The following CPAMD8 variants were observed in gnomAD, a reference collection of about 807,000 sequenced individuals.
The protein encoded by CPAMD8 is C3 and PZP like alpha-2-macroglobulin domain containing 8.
A neutral mutation model predicts 224.7 loss-of-function variants in CPAMD8; 146 were observed. The observed-to-expected ratio is 0.65, with a 90% CI of 0.57 to 0.75. The LOEUF (loss-of-function observed/expected upper bound fraction) is 0.75, where lower values mean the gene tolerates loss of function less well. Ranked by LOEUF, CPAMD8 falls within the 30% of genes least tolerant of loss-of-function variation. CPAMD8 has a pLI of 0.00. For missense variants in CPAMD8, 2,301 were observed against 2,537.5 expected, an observed-to-expected ratio of 0.91 and a Z score of 2.00; for synonymous variants, 966 against 1,044.6, an observed-to-expected ratio of 0.92 and a Z score of 1.45.
rs554802632 is a variant in CPAMD8 at position 17,014,154 on chromosome 19, C to T, written c.268-2397G>A. ...ACAGCCTCAAACTCCTGGGCTCATG[C>T]GATCCTCCTGCCTCAGCCTACTGAG... On this transcript the variant is annotated intron_variant, in intron 3 of 41. Transcript: ENST00000443236. Among the ~76,000 whole-genome samples the T allele has an allele frequency of 5.3e-5, 8 of 151,888 alleles. No homozygotes were observed. In the South Asian group the frequency reaches 8.3e-4, roughly 16 times the overall value.
In CPAMD8 at chr19:16,963,513, T is replaced by C. The variant is rs575463409; in HGVS notation, c.2214-5598A>G. ...GCTAACTATCCTAAATGTATATGCA[T>C]GCAATACAGGAGCACCCAGATTCAT... On this transcript the variant is annotated intron_variant, in intron 18 of 41. Coordinates refer to ENST00000443236, the MANE Select transcript of CPAMD8 (RefSeq NM_015692.5). Among the ~76,000 whole-genome samples, 5 of 152,244 alleles carry C rather than the reference T, an allele frequency of 3.3e-5. No homozygotes were observed. In the South Asian group the frequency reaches 6.2e-4, roughly 19 times the overall value.
intron 23 of CPAMD8, among the ~76,000 whole-genome samples, chr19:16,934,084 A>C (rs1459459773): frequency 6.6e-5 from 10 of 152,226 alleles, no homozygotes; most frequent in Non-Finnish European, 1.0e-4. Flanking sequence ...AAAAGAATAC[A>C]TACGACATGA....
intron 35 of CPAMD8, 86 bp from the exon 36 acceptor site, chr19:16,901,383 C>T (rs1227731950): frequency 2.2e-6 from 2 of 906,610 alleles, no homozygotes; most frequent in South Asian, 1.4e-5. Context: ...GGAGCCCACA[C>T]AGCTGATGTC....
chr19:16,975,091 C>T lies in CPAMD8; in HGVS notation c.2070+6G>A, dbSNP rs1156864825. On this transcript the variant is annotated splice_donor_region_variant and intron_variant, in intron 17 of 41. Transcript: ENST00000443236. ...GGCAGAGGGATCTGAGACCACCTCTCCTTACGGTGAAGGCAAACCCAGAGT... is the reference window on the plus strand; with the variant it reads ...GGCAGAGGGATCTGAGACCACCTCTTCTTACGGTGAAGGCAAACCCAGAGT... The T allele has an allele frequency of 1.2e-6, 2 of 1,611,218 alleles. No homozygotes were observed. The highest frequency in any genetic ancestry group is 2.0e-4 in the Middle Eastern group (1 of 4,994).
chr19:16,960,567 CTT>C (rs78412211), intron 18 of CPAMD8, among the ~76,000 whole-genome samples: 1 of 147,336 alleles, frequency 6.8e-6, no homozygotes. Context: ...TTCTTCTATT[CTT>C]TTTTTTTTTA....
intron 18 of CPAMD8, among the ~76,000 whole-genome samples, chr19:16,968,076 G>C (rs58946961): frequency 0.045 from 6,786 of 152,050 alleles, 495 homozygotes; most frequent in African/African-American, 0.16. Flanking sequence ...TTACAAAGCT[G>C]CTGCTTCTAT....
At chr19:16,909,757 T>A (rs536822923) in intron 29 of CPAMD8, among the ~76,000 whole-genome samples, 43 of 143,218 alleles carry the variant, frequency 3.0e-4, no homozygotes, top group African/African-American at 9.4e-4. Flanking sequence ...AAAAAAAAAA[T>A]TTGTATTAGA....
At chr19:16,979,236 C>G (rs1197180034) in intron 14 of CPAMD8, among the ~76,000 whole-genome samples, 5 of 149,748 alleles carry the variant, frequency 3.3e-5, no homozygotes, top group Non-Finnish European at 5.9e-5. Flanking sequence ...ATCCATCCAT[C>G]TATTCATCTA....
At chr19:16,978,577 C>T (rs1050433939) in intron 14 of CPAMD8, among the ~76,000 whole-genome samples, 6 of 152,130 alleles carry the variant, frequency 3.9e-5, no homozygotes, top group South Asian at 2.1e-4. Context: ...GCAATATCTG[C>T]GGATGTTTTT....
chr19:16,967,916 TAC>T lies in CPAMD8; in HGVS notation c.2213+2973_2213+2974del, dbSNP rs780955729. ...ATGTGTGTGTATATATGTGCATATA[TAC>T]ACACACATGTGTGTATATATATACA... On this transcript the variant is annotated intron_variant, in intron 18 of 41. Coordinates refer to ENST00000443236, the MANE Select transcript of CPAMD8 (RefSeq NM_015692.5). Among the ~76,000 whole-genome samples the T allele has an allele frequency of 4.9e-3, 731 of 150,274 alleles. 33 individuals carry two copies. The highest frequency in any genetic ancestry group is 0.017 in the African/African-American group (673 of 40,346).
At chr19:16,942,119 T>C (rs776734158) in intron 22 of CPAMD8, among the ~76,000 whole-genome samples, 4 of 152,138 alleles carry the variant, frequency 2.6e-5, no homozygotes, top group Admixed American at 6.5e-5. Flanking sequence ...CCATGCTTCC[T>C]GTACAGCCTA....
At chr19:16,966,060 C>T (rs149798852) in intron 18 of CPAMD8, among the ~76,000 whole-genome samples, 2,312 of 152,186 alleles carry the variant, frequency 0.015, 59 homozygotes, top group African/African-American at 0.053. Context: ...AAGAACAAAG[C>T]GGGAGGCATC....
rs1352938597 is a variant in CPAMD8 at position 17,009,457 on chromosome 19, C to T, written c.487-137G>A. The stretch of plus-strand genomic sequence containing the variant: ...AAACAGTGTCCCCCTAGATTACATC[C>T]GTTGAATCCTAACCCCAAGTAGGGT... On this transcript the variant is annotated intron_variant, in intron 5 of 41. Transcript: ENST00000443236. The T allele has an allele frequency of 2.8e-5, 41 of 1,440,292 alleles. No homozygotes were observed. In the East Asian group the frequency reaches 4.3e-4, roughly 15 times the overall value. The allele number at this position is 1,440,292 out of a possible 1,614,324, so 89.2% of individuals were successfully genotyped here.
chr19:16,977,604 TTCA>T, intron 14 of CPAMD8, 64 bp from the exon 15 acceptor site: 1 of 1,317,674 alleles, frequency 7.6e-7, no homozygotes, highest in East Asian at 2.4e-5. Context: ...ACCTCAGCCA[TTCA>T]GGCTCTGCCC....
Position 17,008,372 on chromosome 19 carries a change from G to A in CPAMD8, c.559+133C>T, listed in dbSNP as rs1411344361. The A allele has an allele frequency of 1.9e-5, 22 of 1,162,650 alleles. No individual in the cohort carries two copies. The Admixed American group carries it at 2.7e-4, about 14-fold the overall frequency. The allele number at this position is 1,162,650 out of a possible 1,614,324, so 72.0% of individuals were successfully genotyped here. Reference sequence around the variant, plus strand: ...CCTCCCAGGTGGGTACCTGCCCTCCGCTCCTCCTTGGTCCCCTCCAGCTGG... The same window carrying A: ...CCTCCCAGGTGGGTACCTGCCCTCCACTCCTCCTTGGTCCCCTCCAGCTGG... On this transcript the variant is annotated intron_variant, in intron 7 of 41. Coordinates refer to ENST00000443236, the MANE Select transcript of CPAMD8 (RefSeq NM_015692.5).
At chr19:17,008,402 G>T in intron 7 of CPAMD8, 103 bp downstream of exon 7, 1 of 1,389,790 alleles carries the variant, frequency 7.2e-7, no homozygotes, top group Non-Finnish European at 1.0e-6. Context: ...AGCTGGAGCA[G>T]CAGTGGGGGT....
At chr19:16,999,084 G>T (rs1444192468) in intron 10 of CPAMD8, among the ~76,000 whole-genome samples, 1 of 152,160 alleles carries the variant, frequency 6.6e-6, no homozygotes, top group Non-Finnish European at 1.5e-5. Context: ...GACACAAAAG[G>T]ACATATAGCA....
chr19:16,915,076 C>T (rs558993222), intron 27 of CPAMD8, among the ~76,000 whole-genome samples: 4 of 152,340 alleles, frequency 2.6e-5, no homozygotes, highest in South Asian at 4.1e-4. Flanking sequence ...GCTCCTTGCT[C>T]GGCACTCAAG....
intron 27 of CPAMD8, among the ~76,000 whole-genome samples, chr19:16,915,414 C>T (rs1046407971): frequency 2.6e-5 from 4 of 152,166 alleles, no homozygotes; most frequent in Non-Finnish European, 5.9e-5. Flanking sequence ...AAAAAACGAG[C>T]CCCAGTGCAC....
Sources: allele counts gnomAD v4.1 joint callset (sites outside exome capture counted in the v4.1 genomes callset), GRCh38; gene constraint gnomAD v4.1.1; transcripts MANE v1.5; gene names NCBI Gene and HGNC (gene_info 2026-07-23, HGNC 2026-07-21).